The following ROR2 variants were observed in gnomAD, a reference collection of about 807,000 sequenced individuals.
ROR2 encodes the protein ROR family WNT receptor 2, also known as tyrosine-protein kinase transmembrane receptor ROR2.
A neutral mutation model predicts 74.9 loss-of-function variants in ROR2; 33 were observed. The ratio of observed to expected loss-of-function variants is 0.44; its 90% CI spans 0.33 to 0.59. The LOEUF is 0.59. ROR2 is among the 20% of genes least tolerant of loss of function. ROR2 has a pLI of 0.02. For synonymous variants in ROR2, 586 were observed against 558.7 expected (o/e 1.05, Z -0.69); for missense variants, 1,216 against 1,313.8 (o/e 0.93, Z 1.15).
intron 1 of ROR2, among the ~76,000 whole-genome samples, chr9:91,932,027 A>G (rs1425441492): frequency 1.3e-5 from 2 of 152,216 alleles, no homozygotes; most frequent in African/African-American, 4.8e-5. Context: ...TTCCAGAAAT[A>G]ACACCAATCT....
chr9:91,930,785 A>C (rs985106334), intron 1 of ROR2, among the ~76,000 whole-genome samples: 12 of 152,222 alleles, frequency 7.9e-5, no homozygotes, highest in African/African-American at 2.9e-4. Context: ...AGCAAACAGA[A>C]ACACATGGAT....
At chr9:91,887,380 G>A (rs922594113) in intron 1 of ROR2, among the ~76,000 whole-genome samples, 19 of 152,132 alleles carry the variant, frequency 1.2e-4, no homozygotes, top group Non-Finnish European at 2.5e-4. Context: ...ATGTATCCCA[G>A]AGCAGTACGC....
intron 1 of ROR2, among the ~76,000 whole-genome samples, chr9:91,909,599 A>G (rs996773910): frequency 2.1e-5 from 3 of 142,338 alleles, no homozygotes; most frequent in African/African-American, 8.0e-5. Context: ...TAATCCTCCC[A>G]CCTCAGCCTC....
chr9:91,739,288 C>T (rs957556865), intron 4 of ROR2, among the ~76,000 whole-genome samples: 1 of 152,168 alleles, frequency 6.6e-6, no homozygotes, highest in Admixed American at 6.5e-5. Context: ...TGGTGAATCA[C>T]TTGAGCCCAG....
At chr9:91,948,873 C>G in intron 1 of ROR2, 3 of 985,522 alleles carry the variant, frequency 3.0e-6, no homozygotes, top group Non-Finnish European at 3.6e-6. Context: ...TGCCGAGAAT[C>G]CGGCCCGAGG....
At chr9:91,900,768 C>T (rs1311250481) in intron 1 of ROR2, among the ~76,000 whole-genome samples, 2 of 152,342 alleles carry the variant, frequency 1.3e-5, no homozygotes, top group East Asian at 1.9e-4. Context: ...ATTAGACCCA[C>T]TTCACACCTC....
intron 8 of ROR2, among the ~76,000 whole-genome samples, chr9:91,726,060 T>A (rs747268224): frequency 6.6e-6 from 1 of 152,218 alleles, no homozygotes; most frequent in Non-Finnish European, 1.5e-5. Flanking sequence ...CACCCCCATC[T>A]AAGGCTGCTC....
intron 1 of ROR2, among the ~76,000 whole-genome samples, chr9:91,900,388 G>A (rs982892979): frequency 2.6e-5 from 4 of 152,254 alleles, no homozygotes; most frequent in Admixed American, 6.5e-5. Context: ...GCAGGCAGCC[G>A]ACCCTGGCGC....
rs765086127 is a variant in ROR2 at position 91,724,531 on chromosome 9, G to A, written c.1963C>T (p.Pro655Ser). The A allele has an allele frequency of 6.2e-7, 1 of 1,614,224 alleles. No individual in the cohort carries two copies. Residue 655 changes from proline (P) to serine (S), a missense_variant, in exon 9 of 9, where the codon CCT becomes TCT. By Grantham distance (74) the Pro-to-Ser change is moderately conservative. Transcript: ENST00000375708. ...YYKLLGNSLL[P>S]IRWMAPEAIM... Reference sequence around the variant, plus strand: ...GCCTCTGGGGCCATCCAGCGGATAGGCAGCAGCGAGTTCCCCAGCAGCTTG... The same window carrying A: ...GCCTCTGGGGCCATCCAGCGGATAGACAGCAGCGAGTTCCCCAGCAGCTTG...
chr9:91,933,712 T>C (rs923582286), intron 1 of ROR2, among the ~76,000 whole-genome samples: 1 of 152,154 alleles, frequency 6.6e-6, no homozygotes, highest in Non-Finnish European at 1.5e-5. Context: ...TTGAAAACAT[T>C]ATGCTAAGTG....
chr9:91,870,997 A>G (rs1239153120), intron 1 of ROR2, among the ~76,000 whole-genome samples: 1 of 152,272 alleles, frequency 6.6e-6, no homozygotes, highest in Non-Finnish European at 1.5e-5. Context: ...ATTGTTCTAC[A>G]GATCAAATTA....
chr9:91,738,748 C>T (rs893910975), intron 4 of ROR2, among the ~76,000 whole-genome samples: 3 of 152,188 alleles, frequency 2.0e-5, no homozygotes, highest in Admixed American at 2.0e-4. Flanking sequence ...GCTGCATGGA[C>T]GGCACAGACT....
intron 2 of ROR2, among the ~76,000 whole-genome samples, chr9:91,758,750 G>A (rs1168851360): frequency 6.6e-6 from 1 of 152,228 alleles, no homozygotes; most frequent in South Asian, 2.1e-4. Context: ...ACAAGGGGAA[G>A]TGAAAGGGAC....
At chr9:91,790,891 A>C (rs1415190366) in intron 1 of ROR2, among the ~76,000 whole-genome samples, 1 of 152,258 alleles carries the variant, frequency 6.6e-6, no homozygotes, top group Admixed American at 6.5e-5. Flanking sequence ...CTTCTAGAAT[A>C]AAAACATAAA....
chr9:91,748,805 T>C (rs1218336536), intron 4 of ROR2, among the ~76,000 whole-genome samples: 1 of 152,092 alleles, frequency 6.6e-6, no homozygotes, highest in Non-Finnish European at 1.5e-5. Context: ...GGCTGAGGCG[T>C]GTGGATCACC....
At chr9:91,762,526 C>CATACAAAAA (rs1262454610) in intron 2 of ROR2, among the ~76,000 whole-genome samples, 2 of 152,284 alleles carry the variant, frequency 1.3e-5, no homozygotes, top group South Asian at 2.1e-4. Context: ...ACACAGCTAT[C>CATACAAAAA]AAACAATAAC....
At chr9:91,834,137 ATC>A (rs1828547471) in intron 1 of ROR2, among the ~76,000 whole-genome samples, 1 of 152,180 alleles carries the variant, frequency 6.6e-6, no homozygotes, top group Non-Finnish European at 1.5e-5. Flanking sequence ...AGGTCAGTAA[ATC>A]TATCTTGTTA....
Position 91,724,199 on chromosome 9 carries a change from G to A in ROR2, c.2295C>T (p.Ser765=), listed in dbSNP as rs748425079. 1 of 1,612,962 alleles carries A rather than the reference G, an allele frequency of 6.2e-7. No homozygotes were observed. The highest frequency in any genetic ancestry group is 1.1e-5 in the South Asian group (1 of 91,080). Residue 765 remains serine, a synonymous_variant, in exon 9 of 9, where the codon AGC becomes AGT. Transcript: ENST00000375708. ...YNSSAQTSGA[S]NTTQTSSLST... ...TCAGGGAGCTGGTCTGCGTGGTGTT[G>A]CTGGCCCCCGAGGTCTGCGCCGAGC... is the stretch of plus-strand genomic sequence containing the variant.
intron 1 of ROR2, among the ~76,000 whole-genome samples, chr9:91,810,450 G>A (rs1290008436): frequency 1.3e-5 from 2 of 152,028 alleles, no homozygotes; most frequent in Admixed American, 1.3e-4. Context: ...GTTCTCCCGG[G>A]CTTTACCTCC....
Sources: allele counts gnomAD v4.1 joint callset (sites outside exome capture counted in the v4.1 genomes callset), GRCh38; gene constraint gnomAD v4.1.1; transcripts MANE v1.5; gene names NCBI Gene and HGNC (gene_info 2026-07-23, HGNC 2026-07-21).